The following TPPP variants were observed in gnomAD, a reference collection of about 807,000 sequenced individuals.
TPPP encodes tubulin polymerization promoting protein.
Under a neutral mutation model 15.5 loss-of-function variants are expected in TPPP, and 6 were observed. The ratio of observed to expected loss-of-function variants is 0.39; its 90% CI spans 0.21 to 0.77. The LOEUF is 0.77. TPPP is among the 30% of genes least tolerant of loss of function. TPPP has a pLI of 0.42. For synonymous variants in TPPP, 146 were observed against 133.9 expected, an observed-to-expected ratio of 1.09 and a Z score of -0.63; for missense variants, 269 against 307.2, an observed-to-expected ratio of 0.88 and a Z score of 0.93.
At chr5:676,639 C>T (rs568224632) in intron 2 of TPPP, 1 of 152,366 alleles carries the variant, frequency 6.6e-6, no homozygotes, top group African/African-American at 2.4e-5. Flanking sequence ...AGAACCGCTG[C>T]TTTTCTCGGG....
the TPPP span, among the ~76,000 whole-genome samples, chr5:699,547 A>G: frequency 2.6e-5 from 4 of 152,210 alleles, no homozygotes; most frequent in African/African-American, 9.6e-5. Flanking sequence ...ATTCTTCTGG[A>G]CATTGGCCTA....
At chr5:676,889 G>A (rs1740458692) in intron 2 of TPPP, among the ~76,000 whole-genome samples, 1 of 124,780 alleles carries the variant, frequency 8.0e-6, no homozygotes, top group Non-Finnish European at 1.5e-5. Flanking sequence ...CACACACGAC[G>A]CAGAAACGCG....
upstream of TPPP, among the ~76,000 whole-genome samples, chr5:696,895 AGT>A (rs1741022870): frequency 6.9e-6 from 1 of 145,464 alleles, no homozygotes; most frequent in African/African-American, 2.5e-5. Flanking sequence ...TGTGTGTATG[AGT>A]GTGTCTGCGT....
At position 661,470 on chromosome 5, in the gene TPPP, C is replaced by A. The variant is rs1286840584; in HGVS notation, c.*3632G>T. 1 of 152,456 alleles carries A rather than the reference C, an allele frequency of 6.6e-6. No individual in the cohort carries two copies. Among genetic ancestry groups the A allele is most frequent in the Non-Finnish European group, 1.5e-5 (1 of 68,084 alleles). The allele number at this position is 152,456 out of a possible 1,614,324, so 9.4% of individuals were successfully genotyped here. ...TGTCCTGGTGTCACCCCTGACAGAA[C>A]CTGTCCCTCTCTCCTGGTTTGCAGG... On this transcript the variant is annotated 3_prime_UTR_variant, in exon 4 of 4. Coordinates refer to ENST00000360578, the MANE Select transcript of TPPP (RefSeq NM_007030.3).
intron 2 of TPPP, among the ~76,000 whole-genome samples, chr5:670,335 C>G (rs1740172866): frequency 6.6e-6 from 1 of 152,226 alleles, no homozygotes; most frequent in African/African-American, 2.4e-5. Context: ...CCTGGGCTCT[C>G]TGGGCCTGCA....
intron 1 of TPPP, chr5:692,934 G>A (rs1398552228): frequency 1.1e-6 from 1 of 877,404 alleles, no homozygotes; most frequent in Non-Finnish European, 1.4e-6. Flanking sequence ...GGGTCTGGAG[G>A]GAAGGGCTGC....
intron 1 of TPPP, among the ~76,000 whole-genome samples, chr5:682,803 T>G (rs1389596659): frequency 1.3e-5 from 2 of 152,216 alleles, no homozygotes; most frequent in African/African-American, 4.8e-5. Flanking sequence ...TGTGGATGGC[T>G]GTGGGGTGGC....
rs192338474 is a variant in TPPP at position 665,005 on chromosome 5, A to C, written c.*97T>G. 2.2e-4 allele frequency: 321 copies of C among 1,428,056 alleles called. 2 individuals are homozygous for C. Among genetic ancestry groups the C allele is most frequent in the Middle Eastern group, 5.1e-4 (2 of 3,886 alleles). 88.5% of individuals were successfully genotyped at this position (1,428,056 alleles called of 1,614,324 possible). On this transcript the variant is annotated 3_prime_UTR_variant, in exon 4 of 4. Transcript: ENST00000360578. ...CAGCCCCCTCTGGGGCACCCGTCTG[A>C]GTTCTGCCCCAGTTAGTACAGGAAT...
chr5:668,794 G>A (rs1442586008), intron 2 of TPPP, among the ~76,000 whole-genome samples: 1 of 152,230 alleles, frequency 6.6e-6, no homozygotes, highest in African/African-American at 2.4e-5. Flanking sequence ...CTTCAGCAGC[G>A]GCCAGACCAC....
intron 2 of TPPP, among the ~76,000 whole-genome samples, chr5:670,200 G>A (rs879884955): frequency 4.6e-5 from 7 of 152,168 alleles, no homozygotes; most frequent in South Asian, 2.1e-4. Flanking sequence ...CCTCCGGGGC[G>A]GACGTCACAG....
At chr5:684,163 C>T (rs975340153) in intron 1 of TPPP, among the ~76,000 whole-genome samples, 10 of 152,224 alleles carry the variant, frequency 6.6e-5, no homozygotes, top group Admixed American at 5.2e-4. Context: ...TCCACCTTGA[C>T]GCCGAAGCCC....
chr5:684,451 C>T (rs1288007403), intron 1 of TPPP, among the ~76,000 whole-genome samples: 8 of 151,520 alleles, frequency 5.3e-5, no homozygotes, highest in Non-Finnish European at 8.8e-5. Flanking sequence ...CGCTGGAGAC[C>T]CAGAGGACAA....
At chr5:699,851 A>C in the TPPP span, among the ~76,000 whole-genome samples, 4 of 151,290 alleles carry the variant, frequency 2.6e-5, no homozygotes, top group South Asian at 8.4e-4. Context: ...AAAATGCTCA[A>C]CATCACCAAT....
rs1739568560 is a variant in TPPP at position 660,985 on chromosome 5, A to G, written c.*4117T>C. ...TGTAAAAGTAGTCCAGTATAAATAT[A>G]TATCTTCTACAATATTTTAAACATA... is the stretch of plus-strand genomic sequence containing the variant. On this transcript the variant is annotated 3_prime_UTR_variant, in exon 4 of 4. Coordinates refer to ENST00000360578, the MANE Select transcript of TPPP (RefSeq NM_007030.3). 1 of 152,268 alleles carries G rather than the reference A, an allele frequency of 6.6e-6. No homozygotes were observed. The highest frequency in any genetic ancestry group is 2.4e-5 in the African/African-American group (1 of 41,456). The allele number at this position is 152,268 out of a possible 1,614,324, so 9.4% of individuals were successfully genotyped here. A position where few individuals can be genotyped will look rare whatever the true frequency, so the allele number is the denominator to read the frequency against.
chr5:661,408 T>A lies in TPPP; in HGVS notation c.*3694A>T, dbSNP rs1192460729. ...TGTCACCCATGACAGAACCTGTCCC[T>A]GTGTCCTGGTGTCACCCCCGACAGA... On this transcript the variant is annotated 3_prime_UTR_variant, in exon 4 of 4. Transcript: ENST00000360578. 6.6e-6 allele frequency: 1 copy of A among 152,032 alleles called. No individual in the cohort carries two copies. Among genetic ancestry groups the A allele is most frequent in the African/African-American group, 2.4e-5 (1 of 41,286 alleles). The allele number at this position is 152,032 out of a possible 1,614,324, so 9.4% of individuals were successfully genotyped here. A position where few individuals can be genotyped will look rare whatever the true frequency, so the allele number is the denominator to read the frequency against.
At chr5:680,562 C>T (rs1225434117) in intron 1 of TPPP, among the ~76,000 whole-genome samples, 1 of 148,274 alleles carries the variant, frequency 6.7e-6, no homozygotes, top group African/African-American at 2.5e-5. Context: ...TCCACGGGCG[C>T]TTGGGAGGGC....
In TPPP at chr5:665,968, A is replaced by T. The variant is rs1276381529; in HGVS notation, c.465+2T>A. ...CCCGCCTTCCATCCCCGCCCTGCTCACCGTCACCCCTGAGATGATGGGCGC... is the reference window on the plus strand; with the variant it reads ...CCCGCCTTCCATCCCCGCCCTGCTCTCCGTCACCCCTGAGATGATGGGCGC... On this transcript the variant is annotated splice_donor_variant, in intron 3 of 3. Coordinates refer to ENST00000360578, the MANE Select transcript of TPPP (RefSeq NM_007030.3). LOFTEE classifies it high-confidence loss of function. The T allele has an allele frequency of 4.8e-6, 6 of 1,259,716 alleles. No homozygotes were observed. The highest frequency in any genetic ancestry group is 6.1e-6 in the Non-Finnish European group (6 of 979,264). 78.0% of individuals were successfully genotyped at this position (1,259,716 alleles called of 1,614,324 possible).
At chr5:679,287 A>G (rs1425947279) in intron 1 of TPPP, among the ~76,000 whole-genome samples, 1 of 152,108 alleles carries the variant, frequency 6.6e-6, no homozygotes, top group Non-Finnish European at 1.5e-5. Flanking sequence ...GAGGACCTTA[A>G]GGGCCTCAGG....
chr5:665,201 C>T lies in TPPP; in HGVS notation c.561G>A (p.Lys187=). Residue 187 remains lysine, a synonymous_variant, in exon 4 of 4, where the codon AAG becomes AAA. Transcript: ENST00000360578. ...CCAGATCCACGCGGCCAGCCTTGCCCTTGCCCTTGCCAGAGGGGTCGAAGC... is the reference window on the plus strand; with the variant it reads ...CCAGATCCACGCGGCCAGCCTTGCCTTTGCCCTTGCCAGAGGGGTCGAAGC... ...KERFDPSGKG[K]GKAGRVDLVD... is the part of the protein sequence containing the mutation. The T allele has an allele frequency of 2.5e-6, 4 of 1,613,942 alleles. No individual in the cohort carries two copies. Among genetic ancestry groups the T allele is most frequent in the Non-Finnish European group, 3.4e-6 (4 of 1,179,980 alleles).
Sources: gnomAD v4.1 joint callset for allele counts (sites outside exome capture counted in the v4.1 genomes callset) on GRCh38, gnomAD v4.1.1 for gene constraint, MANE v1.5 for transcripts, NCBI Gene and HGNC (gene_info 2026-07-23, HGNC 2026-07-21) for gene names.